Variants in PLB1 observed in about 807,000 individuals in gnomAD.
PLB1 encodes the protein phospholipase B1.
Under a neutral mutation model 227.4 loss-of-function variants are expected in PLB1, and 242 were observed. The ratio of observed to expected loss-of-function variants is 1.06; its 90% CI spans 0.96 to 1.18. PLB1 has a LOEUF of 1.18. Ranked by LOEUF, PLB1 falls within the 50% of genes most tolerant of loss-of-function variation. The pLI, the probability that PLB1 is intolerant of heterozygous loss-of-function variation, is 0.00. For synonymous variants in PLB1, 757 were observed against 682.2 expected (o/e 1.11, Z -1.71); for missense variants, 1,858 against 1,816.3 (o/e 1.02, Z -0.42).
intron 57 of PLB1, among the ~76,000 whole-genome samples, chr2:28,642,131 C>CCTGT: frequency 6.6e-6 from 1 of 152,354 alleles, no homozygotes; most frequent in Admixed American, 6.5e-5. Flanking sequence ...ACCTACCATT[C>CCTGT]CTGTCTCCAG....
intron 9 of PLB1, among the ~76,000 whole-genome samples, chr2:28,536,569 C>G (rs1055990679): frequency 1.3e-5 from 2 of 152,118 alleles, no homozygotes; most frequent in African/African-American, 4.8e-5. Flanking sequence ...ATATCCCATT[C>G]CTTGGTTTAA....
At chr2:28,626,314 T>C (rs944228003) in intron 50 of PLB1, 114 bp from the exon 51 acceptor site, 10 of 806,638 alleles carry the variant, frequency 1.2e-5, no homozygotes, top group Middle Eastern at 2.6e-4. Context: ...TGCTTTTCTC[T>C]GTTACAGTAT....
At chr2:28,592,537 C>T (rs1682145307) in intron 31 of PLB1, 124 bp from the exon 32 acceptor site, 2 of 950,988 alleles carry the variant, frequency 2.1e-6, no homozygotes, top group African/African-American at 3.2e-5. Context: ...CTGTGCACAC[C>T]CAGCCCTGCA....
intron 50 of PLB1, among the ~76,000 whole-genome samples, chr2:28,625,391 A>G (rs937745932): frequency 2.0e-5 from 3 of 152,196 alleles, no homozygotes; most frequent in Admixed American, 6.5e-5. Context: ...TGCTTTAACC[A>G]AGAGGTGGCT....
rs115077398 is a variant in PLB1 at position 28,530,758 on chromosome 2, C to T, written c.468+979C>T. On this transcript the variant is annotated intron_variant, in intron 8 of 57. Coordinates refer to ENST00000327757, the MANE Select transcript of PLB1 (RefSeq NM_153021.5). ...GAACCAAGGGAAGCTGCTGTTTCAG[C>T]CAGCCATGCATGCATTAAAGCGTTC... is the stretch of plus-strand genomic sequence containing the variant. Among the ~76,000 whole-genome samples the T allele has an allele frequency of 7.6e-3, 1,154 of 152,344 alleles. 14 individuals carry two copies. The highest frequency in any genetic ancestry group is 0.026 in the African/African-American group (1,072 of 41,584).
At chr2:28,543,594 C>CT (rs529164112) in intron 14 of PLB1, among the ~76,000 whole-genome samples, 3 of 152,232 alleles carry the variant, frequency 2.0e-5, no homozygotes, top group Non-Finnish European at 4.4e-5. Context: ...ATGTGCTCCC[C>CT]TCACCATTCC....
At chr2:28,501,828 T>G (rs541454300) in intron 1 of PLB1, among the ~76,000 whole-genome samples, 1 of 152,314 alleles carries the variant, frequency 6.6e-6, no homozygotes, top group African/African-American at 2.4e-5. Flanking sequence ...AACTGCAGAA[T>G]ATTCCAGTAT....
intron 1 of PLB1, among the ~76,000 whole-genome samples, chr2:28,500,560 T>A (rs1666968681): frequency 6.6e-6 from 1 of 152,186 alleles, no homozygotes; most frequent in Non-Finnish European, 1.5e-5. Flanking sequence ...TATTGTCAGT[T>A]GGGTTTCCTC....
At chr2:28,566,916 C>A in intron 20 of PLB1, 77 bp downstream of exon 20, 1 of 1,554,528 alleles carries the variant, frequency 6.4e-7, no homozygotes, top group Non-Finnish European at 8.8e-7. Flanking sequence ...GCAGGTGGCG[C>A]GGGCCTCGGG....
At position 28,632,987 on chromosome 2, in the gene PLB1, A is replaced by G. The variant is rs1688848483; in HGVS notation, c.4046A>G (p.His1349Arg). 1.9e-6 allele frequency: 3 copies of G among 1,607,228 alleles called. No individual in the cohort carries two copies. The highest frequency in any genetic ancestry group is 2.5e-6 in the Non-Finnish European group (3 of 1,179,924). The change falls in exon 56 of 58, where the codon CAC (histidine) becomes CGC (arginine). Residue 1349 changes from histidine (H) to arginine (R), a missense_variant. By Grantham distance (29) the His-to-Arg change is conservative. Transcript: ENST00000327757. ...ACCTTCTTCTCCGAGGACTGTTTTCACTTCTCAGACCGCGGGCATGCCGAG... is the reference window on the plus strand; with the variant it reads ...ACCTTCTTCTCCGAGGACTGTTTTCGCTTCTCAGACCGCGGGCATGCCGAG... ...DLTFFSEDCF[H>R]FSDRGHAEMA...
chr2:28,542,387 C>G (rs1038415249), intron 13 of PLB1, among the ~76,000 whole-genome samples: 7 of 152,098 alleles, frequency 4.6e-5, no homozygotes, highest in African/African-American at 7.2e-5. Context: ...AGCTTCCCCT[C>G]CTAGCTCTGG....
At chr2:28,545,132 A>G (rs1476976107) in intron 14 of PLB1, among the ~76,000 whole-genome samples, 1 of 152,198 alleles carries the variant, frequency 6.6e-6, no homozygotes, top group African/African-American at 2.4e-5. Context: ...TCTCACCCTC[A>G]AGGCCAAAGG....
At chr2:28,621,385 C>G (rs10865506) in intron 49 of PLB1, among the ~76,000 whole-genome samples, 37,643 of 152,152 alleles carry the variant, frequency 0.25, 6,401 homozygotes, top group East Asian at 0.55. Flanking sequence ...AGCACCTCGA[C>G]AACTGAGTGC....
At position 28,550,083 on chromosome 2, in the gene PLB1, A is replaced by AG. The variant is rs1477823793; in HGVS notation, c.1083+1dup. 2 of 1,606,916 alleles carry AG rather than the reference A, an allele frequency of 1.2e-6. No individual in the cohort carries two copies. Among genetic ancestry groups the AG allele is most frequent in the Middle Eastern group, 1.7e-4 (1 of 6,038 alleles). On this transcript the variant is annotated frameshift_variant and splice_region_variant, in exon 16 of 58. Coordinates refer to ENST00000327757, the MANE Select transcript of PLB1 (RefSeq NM_153021.5). LOFTEE classifies it high-confidence loss of function. ...CTGCAGAAACCCCAAGACAAGCTTG[A>AG]GGTAAGGAAAGGTTTTCTGTAATTG...
chr2:28,602,783 G>A (rs1431835100), intron 38 of PLB1, 38 bp from the exon 39 acceptor site: 1 of 1,575,376 alleles, frequency 6.3e-7, no homozygotes. Flanking sequence ...AGGAAGAAGT[G>A]CCTGGAGCCC....
intron 18 of PLB1, among the ~76,000 whole-genome samples, chr2:28,564,208 C>T (rs1260672883): frequency 6.6e-6 from 1 of 152,230 alleles, no homozygotes; most frequent in African/African-American, 2.4e-5. Flanking sequence ...TGCAACTGCA[C>T]TCCAGGCTGG....
At chr2:28,629,227 G>C (rs371622421) in intron 53 of PLB1, 42 bp downstream of exon 53, 1 of 1,586,476 alleles carries the variant, frequency 6.3e-7, no homozygotes, top group African/African-American at 1.3e-5. Flanking sequence ...GGCACCTGGG[G>C]TGAGGAGGGC....
intron 8 of PLB1, 102 bp from the exon 9 acceptor site, chr2:28,532,006 C>A: frequency 2.3e-6 from 2 of 879,160 alleles, no homozygotes; most frequent in Non-Finnish European, 3.6e-6. Flanking sequence ...ATGAGTTTTT[C>A]AGGGATGGGT....
At chr2:28,503,582 A>G (rs1381849871) in intron 1 of PLB1, among the ~76,000 whole-genome samples, 1 of 152,206 alleles carries the variant, frequency 6.6e-6, no homozygotes, top group African/African-American at 2.4e-5. Context: ...AGACTTCAGC[A>G]GAAACATCTC....
Sources: allele counts gnomAD v4.1 joint callset (sites outside exome capture counted in the v4.1 genomes callset), GRCh38; gene constraint gnomAD v4.1.1; transcripts MANE v1.5; gene names NCBI Gene and HGNC (gene_info 2026-07-23, HGNC 2026-07-21).